Variants in STAT1 observed in about 807,000 individuals in gnomAD.
The protein encoded by STAT1 is signal transducer and activator of transcription 1, also known as signal transducer and activator of transcription 1-alpha/beta.
Under a neutral mutation model 111.7 loss-of-function variants are expected in STAT1, and 24 were observed. The ratio of observed to expected loss-of-function variants is 0.21; its 90% CI spans 0.16 to 0.30. The LOEUF is 0.30. Among genes scored for constraint, STAT1 ranks in the 10% least tolerant of loss-of-function variants. STAT1 has a pLI of 1.00. For missense variants in STAT1, 351 were observed against 911.9 expected (o/e 0.38, Z 7.92); for synonymous variants, 332 against 326.5 (o/e 1.02, Z -0.18).
At position 190,998,410 on chromosome 2, in the gene STAT1, G is replaced by A; in HGVS notation, c.542-102C>T. ...ATAAATATGACACAAATGCTGCCTA[G>A]TGACAGGTCAAAGTTTGGCTTTCTT... On this transcript the variant is annotated intron_variant, in intron 7 of 24. Coordinates refer to ENST00000361099, the MANE Select transcript of STAT1 (RefSeq NM_007315.4). The surrounding 1 kb of genome is among the most constrained non-coding windows in gnomAD (Gnocchi z 4.1). 1.0e-6 allele frequency: 1 copy of A among 969,022 alleles called. No homozygotes were observed. Among genetic ancestry groups the A allele is most frequent in the East Asian group, 2.4e-5 (1 of 41,476 alleles). The allele number at this position is 969,022 out of a possible 1,614,324, so 60.0% of individuals were successfully genotyped here.
Position 191,004,969 on chromosome 2 carries a change from T to C in STAT1, c.372+2594A>G, listed in dbSNP as rs562149564. Among the ~76,000 whole-genome samples the C allele has an allele frequency of 1.3e-5, 2 of 152,210 alleles. No homozygotes were observed. The highest frequency in any genetic ancestry group is 2.1e-4 in the South Asian group (1 of 4,832). On this transcript the variant is annotated intron_variant, in intron 5 of 24. Transcript: ENST00000361099. This position sits in a 1 kb window ranked among gnomAD's most constrained non-coding sequence, Gnocchi z 5.0. ...GAAAAAAAGAAAGAAAAAAACTTAG[T>C]GTGCTGTAAGACAGCACACGAAACA...
intron 5 of STAT1, among the ~76,000 whole-genome samples, chr2:191,005,094 C>T (rs775077748): frequency 2.0e-5 from 3 of 152,162 alleles, no homozygotes; most frequent in Non-Finnish European, 2.9e-5. Context: ...TTTCCCATCT[C>T]GGCATGTCTA....
In STAT1 at chr2:191,007,489, G is replaced by A; in HGVS notation, c.372+74C>T. On this transcript the variant is annotated intron_variant, in intron 5 of 24. Transcript: ENST00000361099. The surrounding 1 kb of genome is among the most constrained non-coding windows in gnomAD (Gnocchi z 4.2). ...AGATATTCATCATTGCTTTGACATG[G>A]GCCCTAATAGTATTTGATGAATGAA... 3 of 1,078,402 alleles carry A rather than the reference G, an allele frequency of 2.8e-6. No homozygotes were observed. The highest frequency in any genetic ancestry group is 2.8e-6 in the Non-Finnish European group (2 of 703,396). 66.8% of individuals were successfully genotyped at this position (1,078,402 alleles called of 1,614,324 possible).
rs1309847098 is a variant in STAT1 at position 191,007,530 on chromosome 2, T to C, written c.372+33A>G. 2.0e-6 allele frequency: 3 copies of C among 1,466,238 alleles called. No homozygotes were observed. Among genetic ancestry groups the C allele is most frequent in the Non-Finnish European group, 2.9e-6 (3 of 1,046,628 alleles). The allele number at this position is 1,466,238 out of a possible 1,614,324, so 90.8% of individuals were successfully genotyped here. A position where few individuals can be genotyped will look rare whatever the true frequency, so the allele number is the denominator to read the frequency against. ...GATGAATGAATACATTTTTATTTTA[T>C]TACAGTTTATGTGTTCAATGAGAAA... On this transcript the variant is annotated intron_variant, in intron 5 of 24. Transcript: ENST00000361099. This position sits in a 1 kb window ranked among gnomAD's most constrained non-coding sequence, Gnocchi z 4.2.
At chr2:190,991,161 TAAAA>T in intron 11 of STAT1, 63 bp downstream of exon 11, 1 of 1,513,652 alleles carries the variant, frequency 6.6e-7, no homozygotes, top group South Asian at 1.1e-5. Context: ...ACAGTTTTTA[TAAAA>T]GGAAACTAGG....
chr2:190,970,644 G>T lies in STAT1; in HGVS notation c.*59C>A. ...AGGATGTGAAGGAACAGAGTAGCAGGAGGGAATCACAGATGAGAAGGAAAA... is the reference window on the plus strand; with the variant it reads ...AGGATGTGAAGGAACAGAGTAGCAGTAGGGAATCACAGATGAGAAGGAAAA... On this transcript the variant is annotated 3_prime_UTR_variant, in exon 25 of 25. Coordinates refer to ENST00000361099, the MANE Select transcript of STAT1 (RefSeq NM_007315.4). This position sits in a 1 kb window ranked among gnomAD's most constrained non-coding sequence, Gnocchi z 5.4. 1 of 1,566,242 alleles carries T rather than the reference G, an allele frequency of 6.4e-7. No homozygotes were observed. The highest frequency in any genetic ancestry group is 8.8e-7 in the Non-Finnish European group (1 of 1,137,218).
In STAT1 at chr2:190,970,637, G is replaced by A; in HGVS notation, c.*66C>T. On this transcript the variant is annotated 3_prime_UTR_variant, in exon 25 of 25. Coordinates refer to ENST00000361099, the MANE Select transcript of STAT1 (RefSeq NM_007315.4). The surrounding 1 kb of genome is among the most constrained non-coding windows in gnomAD (Gnocchi z 5.4). Reference sequence around the variant, plus strand: ...GAAACACAGGATGTGAAGGAACAGAGTAGCAGGAGGGAATCACAGATGAGA... The same window carrying A: ...GAAACACAGGATGTGAAGGAACAGAATAGCAGGAGGGAATCACAGATGAGA... 1 of 1,540,604 alleles carries A rather than the reference G, an allele frequency of 6.5e-7. No homozygotes were observed. The highest frequency in any genetic ancestry group is 9.0e-7 in the Non-Finnish European group (1 of 1,114,022).
intron 15 of STAT1, among the ~76,000 whole-genome samples, chr2:190,985,269 C>T (rs1235082781): frequency 6.6e-6 from 1 of 152,188 alleles, no homozygotes. Flanking sequence ...AGTGGCCTCT[C>T]GTTCCAACTC....
At chr2:191,009,775 T>A in intron 3 of STAT1, 101 bp downstream of exon 3, 3 of 1,448,120 alleles carry the variant, frequency 2.1e-6, no homozygotes, top group Non-Finnish European at 2.9e-6. Context: ...CCAGTGGCCA[T>A]TGATGGAATT....
At position 190,999,517 on chromosome 2, in the gene STAT1, T is replaced by A; in HGVS notation, c.541+109A>T. 1 of 793,170 alleles carries A rather than the reference T, an allele frequency of 1.3e-6. No homozygotes were observed. Among genetic ancestry groups the A allele is most frequent in the Non-Finnish European group, 2.2e-6 (1 of 452,170 alleles). 49.1% of individuals were successfully genotyped at this position (793,170 alleles called of 1,614,324 possible). A position where few individuals can be genotyped will look rare whatever the true frequency, so the allele number is the denominator to read the frequency against. ...CTGGCCTGGGTTATCAAGGAAGAAT[T>A]CAGAGTCATAAAATACTCGGCAAAT... On this transcript the variant is annotated intron_variant, in intron 7 of 24. Transcript: ENST00000361099. This position sits in a 1 kb window ranked among gnomAD's most constrained non-coding sequence, Gnocchi z 4.1.
At position 190,987,453 on chromosome 2, in the gene STAT1, A is replaced by G. The variant is rs1356424091; in HGVS notation, c.1098-385T>C. Among the ~76,000 whole-genome samples the G allele has an allele frequency of 6.6e-6, 1 of 152,246 alleles. No homozygotes were observed. Among genetic ancestry groups the G allele is most frequent in the East Asian group, 1.9e-4 (1 of 5,206 alleles). ...AAGCTATCGTTATTGTTTATTGAGCAGCTACTTGGTGCAAGGCCCTGCACT... is the reference window on the plus strand; with the variant it reads ...AAGCTATCGTTATTGTTTATTGAGCGGCTACTTGGTGCAAGGCCCTGCACT... On this transcript the variant is annotated intron_variant, in intron 12 of 24. Transcript: ENST00000361099. This position sits in a 1 kb window ranked among gnomAD's most constrained non-coding sequence, Gnocchi z 4.0.
In STAT1 at chr2:190,980,985, C is replaced by T. The variant is rs45462596; in HGVS notation, c.1583-316G>A. Among the ~76,000 whole-genome samples the T allele has an allele frequency of 9.2e-3, 1,398 of 152,232 alleles. 27 individuals carry two copies. The highest frequency in any genetic ancestry group is 0.056 in the East Asian group (288 of 5,180). On this transcript the variant is annotated intron_variant, in intron 18 of 24. Transcript: ENST00000361099. The surrounding 1 kb of genome is among the most constrained non-coding windows in gnomAD (Gnocchi z 6.1). Reference sequence around the variant, plus strand: ...TAGGGAAAGCGGAAACATCACAAAGCCTTACCATCTGCTCTCTCCCTCCCC... The same window carrying T: ...TAGGGAAAGCGGAAACATCACAAAGTCTTACCATCTGCTCTCTCCCTCCCC...
intron 14 of STAT1, 51 bp from the exon 15 acceptor site, chr2:190,985,711 G>T: frequency 6.4e-7 from 1 of 1,569,302 alleles, no homozygotes; most frequent in South Asian, 1.1e-5. Context: ...GGTCAAAGTT[G>T]CTATCTTCAT....
intron 4 of STAT1, among the ~76,000 whole-genome samples, chr2:191,008,210 G>A (rs1367199795): frequency 1.3e-5 from 2 of 150,304 alleles, no homozygotes; most frequent in South Asian, 2.1e-4. Flanking sequence ...TTCCCCACTC[G>A]TAAATAAAAT....
intron 2 of STAT1, 24 bp downstream of exon 2, chr2:191,013,501 C>T (rs1695299856): frequency 2.5e-6 from 1 of 397,474 alleles, no homozygotes; most frequent in Admixed American, 4.4e-5. Context: ...ACTCATTCAT[C>T]TGATTCCATG....
intron 10 of STAT1, among the ~76,000 whole-genome samples, chr2:190,991,769 A>C (rs1209049386): frequency 1.3e-5 from 2 of 151,982 alleles, no homozygotes; most frequent in Admixed American, 1.3e-4. Flanking sequence ...AAGTGGGAAG[A>C]TCACTTGAGC....
In STAT1 at chr2:190,971,192, T is replaced by C. The variant is rs7575823; in HGVS notation, c.2239-475A>G. Reference sequence around the variant, plus strand: ...CAGAATTACTAAGAACCCCTTCACCTTCCCCACCAGTGCCTTCTGCCCAGC... The same window carrying C: ...CAGAATTACTAAGAACCCCTTCACCCTCCCCACCAGTGCCTTCTGCCCAGC... On this transcript the variant is annotated intron_variant, in intron 24 of 24. Coordinates refer to ENST00000361099, the MANE Select transcript of STAT1 (RefSeq NM_007315.4). This position sits in a 1 kb window ranked among gnomAD's most constrained non-coding sequence, Gnocchi z 4.1. 0.86 allele frequency among the ~76,000 whole-genome samples: 130,538 copies of C among 152,172 alleles called. 56,281 individuals carry two copies. Among genetic ancestry groups the C allele is most frequent in the Non-Finnish European group, 0.9 (61,129 of 68,016 alleles).
rs895168915 is a variant in STAT1 at position 190,974,761 on chromosome 2, T to G, written c.2238+69A>C. The G allele has an allele frequency of 2.9e-6, 4 of 1,373,314 alleles. No homozygotes were observed. In the Admixed American group the frequency reaches 5.1e-5, roughly 17 times the overall value. 85.1% of individuals were successfully genotyped at this position (1,373,314 alleles called of 1,614,324 possible). On this transcript the variant is annotated intron_variant, in intron 24 of 24. Coordinates refer to ENST00000361099, the MANE Select transcript of STAT1 (RefSeq NM_007315.4). This position sits in a 1 kb window ranked among gnomAD's most constrained non-coding sequence, Gnocchi z 4.8. ...CCGCAGACAGGCCCGGGATCTGCCATGGTGCGCTCCCTGCCTCTGAGCACA... is the reference window on the plus strand; with the variant it reads ...CCGCAGACAGGCCCGGGATCTGCCAGGGTGCGCTCCCTGCCTCTGAGCACA...
Position 190,999,128 on chromosome 2 carries a change from C to T in STAT1, c.541+498G>A, listed in dbSNP as rs1694071714. On this transcript the variant is annotated intron_variant, in intron 7 of 24. Coordinates refer to ENST00000361099, the MANE Select transcript of STAT1 (RefSeq NM_007315.4). The surrounding 1 kb of genome is among the most constrained non-coding windows in gnomAD (Gnocchi z 4.1). The stretch of plus-strand genomic sequence containing the variant: ...AAAATACAGTAAAACTGCTTTAAAA[C>T]ATGAGAAAAATACTGAGCTTATCTG... 6.6e-6 allele frequency among the ~76,000 whole-genome samples: 1 copy of T among 152,152 alleles called. No homozygotes were observed. The highest frequency in any genetic ancestry group is 2.1e-4 in the South Asian group (1 of 4,828).
Sources: gnomAD v4.1 joint callset for allele counts (sites outside exome capture counted in the v4.1 genomes callset) on GRCh38, gnomAD v4.1.1 for gene constraint, Gnocchi (gnomAD v3.1) non-coding constraint, MANE v1.5 for transcripts, NCBI Gene and HGNC (gene_info 2026-07-23, HGNC 2026-07-21) for gene names.